IL15RA: variants seen among roughly 807,000 people sequenced by gnomAD.
IL15RA encodes interleukin-15 receptor subunit alpha.
IL15RA carries 26 observed loss-of-function variants against 24.2 expected under a neutral mutation model. The ratio of observed to expected loss-of-function variants is 1.07; its 90% confidence interval spans 0.79 to 1.49. The LOEUF is 1.49. Among genes scored for constraint, IL15RA ranks in the 40% most tolerant of loss-of-function variants. IL15RA has a pLI of 0.00. For missense variants in IL15RA, 354 were observed against 356.4 expected, an observed-to-expected ratio of 0.99 and a Z score of 0.05; for synonymous variants, 166 against 157.6, an observed-to-expected ratio of 1.05 and a Z score of -0.40.
In IL15RA at chr10:5,953,697, A is replaced by G; in HGVS notation, c.693-491T>C. On this transcript the variant is annotated intron_variant, in intron 6 of 6. Transcript: ENST00000379977. This position sits in a 1 kb window ranked among gnomAD's most constrained non-coding sequence, Gnocchi z 5.3. ...GGAGAGAGTGACTGGGAGCCTAGCC[A>G]AACCAGAGTTGATCATCTTGAAAAA... The G allele has an allele frequency of 3.4e-6, 1 of 297,912 alleles. No individual in the cohort carries two copies. The highest frequency in any genetic ancestry group is 6.0e-5 in the East Asian group (1 of 16,536). 18.5% of individuals were successfully genotyped at this position (297,912 alleles called of 1,614,324 possible).
At chr10:5,972,430 G>T (rs76975513) in intron 1 of IL15RA, among the ~76,000 whole-genome samples, 3 of 152,312 alleles carry the variant, frequency 2.0e-5, no homozygotes, top group African/African-American at 7.2e-5. Context: ...CTGGAATGCA[G>T]TGGACAAGTG....
At chr10:5,956,729 G>C (rs1257944160) in intron 5 of IL15RA, among the ~76,000 whole-genome samples, 1 of 152,226 alleles carries the variant, frequency 6.6e-6, no homozygotes, top group Non-Finnish European at 1.5e-5. Context: ...TGACGGGGCA[G>C]GGACGGAGCA....
In IL15RA at chr10:5,955,185, C is replaced by T. The variant is rs537985608; in HGVS notation, c.692+1194G>A. Among the ~76,000 whole-genome samples, 29 of 151,720 alleles carry T rather than the reference C, an allele frequency of 1.9e-4. No homozygotes were observed. The highest frequency in any genetic ancestry group is 8.3e-4 in the South Asian group (4 of 4,792). ...TGTGATCTTGGCTCACTGCAACCTC[C>T]GCCTCCCTGGTTCAAGCAATTCTCC... On this transcript the variant is annotated intron_variant, in intron 6 of 6. Coordinates refer to ENST00000379977, the MANE Select transcript of IL15RA (RefSeq NM_002189.4). This position sits in a 1 kb window ranked among gnomAD's most constrained non-coding sequence, Gnocchi z 5.3.
chr10:5,966,229 C>G lies in IL15RA; in HGVS notation c.199G>C (p.Ala67Pro). The change falls in exon 2 of 7, where the codon GCC (alanine) becomes CCC (proline). Residue 67 changes from alanine (A) to proline (P), a missense_variant. Ala to Pro is a conservative substitution (Grantham distance 27). Transcript: ENST00000379977. This position sits in a 1 kb window ranked among gnomAD's most constrained non-coding sequence, Gnocchi z 6.4. ...YICNSGFKRK[A>P]GTSSLTECVL... ...CACTCCGTCAGGCTGGACGTGCCGG[C>G]TTTACGCTTGAAACCAGAGTTACAA... 4.3e-6 allele frequency: 7 copies of G among 1,614,168 alleles called. No homozygotes were observed. Among genetic ancestry groups the G allele is most frequent in the Non-Finnish European group, 5.9e-6 (7 of 1,179,998 alleles).
At chr10:5,949,374 G>A (rs558789257), downstream of IL15RA, 125 of 470,684 alleles carry the variant, frequency 2.7e-4, no homozygotes, top group South Asian at 1.3e-3. The surrounding 1 kb of genome is among the most constrained non-coding windows in gnomAD (Gnocchi z 4.4). Flanking sequence ...TAAATCCCCC[G>A]GTAATATAGT....
chr10:5,961,417 G>GC lies in IL15RA; in HGVS notation c.383-851_383-850insG, dbSNP rs1564497780. ...AGACCCCTGTCTCTTAAAAAAAAAGGTGGGGGGAAGAAAAGAAAAGGTGTC... is the reference window on the plus strand; with the variant it reads ...AGACCCCTGTCTCTTAAAAAAAAAGGCTGGGGGGAAGAAAAGAAAAGGTGTC... On this transcript the variant is annotated intron_variant, in intron 3 of 6. Coordinates refer to ENST00000379977, the MANE Select transcript of IL15RA (RefSeq NM_002189.4). The surrounding 1 kb of genome is among the most constrained non-coding windows in gnomAD (Gnocchi z 5.2). Among the ~76,000 whole-genome samples, 2 of 148,048 alleles carry GC rather than the reference G, an allele frequency of 1.4e-5. No homozygotes were observed. Among genetic ancestry groups the GC allele is most frequent in the African/African-American group, 4.9e-5 (2 of 41,124 alleles).
chr10:5,961,790 G>A lies in IL15RA; in HGVS notation c.383-1223C>T, dbSNP rs1014995714. ...GTGACAGCCACGGAATCTAGGAAAC[G>A]TGAGGCCAAGCGCTGTGGCTCTCTG... On this transcript the variant is annotated intron_variant, in intron 3 of 6. Coordinates refer to ENST00000379977, the MANE Select transcript of IL15RA (RefSeq NM_002189.4). This position sits in a 1 kb window ranked among gnomAD's most constrained non-coding sequence, Gnocchi z 5.2. 2.1e-4 allele frequency among the ~76,000 whole-genome samples: 32 copies of A among 152,224 alleles called. No individual in the cohort carries two copies. Among genetic ancestry groups the A allele is most frequent in the African/African-American group, 7.0e-4 (29 of 41,452 alleles).
chr10:5,949,372 C>T (rs1589137249), downstream of IL15RA: 1 of 470,752 alleles, frequency 2.1e-6, no homozygotes, highest in South Asian at 1.5e-5. This position sits in a 1 kb window ranked among gnomAD's most constrained non-coding sequence, Gnocchi z 4.4. Context: ...ATTAAATCCC[C>T]CGGTAATATA....
chr10:5,951,052 G>A (rs1833825533), downstream of IL15RA, among the ~76,000 whole-genome samples: 1 of 145,384 alleles, frequency 6.9e-6, no homozygotes, highest in Non-Finnish European at 1.5e-5. Context: ...TGAGGCAGGA[G>A]AATGGCATGG....
rs898540563 is a variant in IL15RA, at chr10:5,964,893, C to A, written c.284-1052G>T. On this transcript the variant is annotated intron_variant, in intron 2 of 6. Coordinates refer to ENST00000379977, the MANE Select transcript of IL15RA (RefSeq NM_002189.4). This position sits in a 1 kb window ranked among gnomAD's most constrained non-coding sequence, Gnocchi z 5.6. ...ATGCCACGGGGTGCTGTGTCCCCAGCGAGTGATTTCTTGGAACAAGTCGGA... is the reference window on the plus strand; with the variant it reads ...ATGCCACGGGGTGCTGTGTCCCCAGAGAGTGATTTCTTGGAACAAGTCGGA... Among the ~76,000 whole-genome samples, 1 of 152,234 alleles carries A rather than the reference C, an allele frequency of 6.6e-6. No individual in the cohort carries two copies. The highest frequency in any genetic ancestry group is 1.5e-5 in the Non-Finnish European group (1 of 68,040).
In IL15RA at chr10:5,961,927, A is replaced by C. The variant is rs1419548078; in HGVS notation, c.383-1360T>G. Among the ~76,000 whole-genome samples the C allele has an allele frequency of 6.6e-6, 1 of 152,198 alleles. No homozygotes were observed. Among genetic ancestry groups the C allele is most frequent in the Non-Finnish European group, 1.5e-5 (1 of 68,038 alleles). ...CTTTCATATAACTTGCCCTACGCTC[A>C]CTGCCAATGCTCCAGGGCTCCCTGC... On this transcript the variant is annotated intron_variant, in intron 3 of 6. Coordinates refer to ENST00000379977, the MANE Select transcript of IL15RA (RefSeq NM_002189.4). This position sits in a 1 kb window ranked among gnomAD's most constrained non-coding sequence, Gnocchi z 5.2.
In IL15RA at chr10:5,971,681, AAAGGCCT is replaced by A. The variant is rs1160159654; in HGVS notation, c.89-5349_89-5343del. ...TGTGGAGCTGGTGTACGGAAAAGGCAAAGGCCTCTGGCCTCACAGTCACCCATCACCT... is the reference window on the plus strand; with the variant it reads ...TGTGGAGCTGGTGTACGGAAAAGGCACTGGCCTCACAGTCACCCATCACCT... On this transcript the variant is annotated intron_variant, in intron 1 of 6. Coordinates refer to ENST00000379977, the MANE Select transcript of IL15RA (RefSeq NM_002189.4). The surrounding 1 kb of genome is among the most constrained non-coding windows in gnomAD (Gnocchi z 5.5). Among the ~76,000 whole-genome samples, 43 of 152,216 alleles carry A rather than the reference AAAGGCCT, an allele frequency of 2.8e-4. No homozygotes were observed. The highest frequency in any genetic ancestry group is 1.0e-3 in the Admixed American group (16 of 15,288).
downstream of IL15RA, among the ~76,000 whole-genome samples, chr10:5,949,705 T>C (rs1430688257): frequency 1.3e-5 from 2 of 152,174 alleles, no homozygotes; most frequent in African/African-American, 4.8e-5. The surrounding 1 kb of genome is among the most constrained non-coding windows in gnomAD (Gnocchi z 4.4). Context: ...CCACAAGATA[T>C]ATTTTAAAAA....
rs1019774650 is a variant in IL15RA, at chr10:5,977,521, C to T, written c.-29G>A. On this transcript the variant is annotated 5_prime_UTR_variant, in exon 1 of 7. Coordinates refer to ENST00000379977, the MANE Select transcript of IL15RA (RefSeq NM_002189.4). ...GGCAGCTCCACAGGACACCGCTGGA[C>T]TCCCCGGGCGAGCGCTGCCCAGGCC... 56 of 1,321,000 alleles carry T rather than the reference C, an allele frequency of 4.2e-5. No individual in the cohort carries two copies. The Admixed American group carries it at 2.0e-3, about 46-fold the overall frequency. The allele number at this position is 1,321,000 out of a possible 1,614,324, so 81.8% of individuals were successfully genotyped here.
chr10:5,951,420 C>A (rs1414890159), downstream of IL15RA, among the ~76,000 whole-genome samples: 1 of 152,228 alleles, frequency 6.6e-6, no homozygotes, highest in East Asian at 1.9e-4. Flanking sequence ...CTCCCAAATG[C>A]TCACAGTGGC....
rs41294177 is a variant in IL15RA, at chr10:5,965,465, G to A, written c.283+680C>T. ...GCAGCCAAATTCTCCTGCCAGCATCGTCTCAAATCAAAGCACTACATGTAA... is the reference window on the plus strand; with the variant it reads ...GCAGCCAAATTCTCCTGCCAGCATCATCTCAAATCAAAGCACTACATGTAA... On this transcript the variant is annotated intron_variant, in intron 2 of 6. Transcript: ENST00000379977. This position sits in a 1 kb window ranked among gnomAD's most constrained non-coding sequence, Gnocchi z 5.8. 2.6e-5 allele frequency among the ~76,000 whole-genome samples: 4 copies of A among 152,194 alleles called. No individual in the cohort carries two copies. Among genetic ancestry groups the A allele is most frequent in the Non-Finnish European group, 4.4e-5 (3 of 68,034 alleles).
chr10:5,961,159 C>T lies in IL15RA; in HGVS notation c.383-592G>A, dbSNP rs182169827. On this transcript the variant is annotated intron_variant, in intron 3 of 6. Transcript: ENST00000379977. The surrounding 1 kb of genome is among the most constrained non-coding windows in gnomAD (Gnocchi z 5.2). ...CAAACTCCTGACCTTAGGTGATCCA[C>T]CCACCTTGGCCTCCCAAAGTGCTGG... Among the ~76,000 whole-genome samples the T allele has an allele frequency of 2.4e-3, 369 of 152,262 alleles. 3 individuals carry two copies. Among genetic ancestry groups the T allele is most frequent in the Non-Finnish European group, 3.4e-3 (233 of 68,018 alleles).
chr10:5,967,584 C>T lies in IL15RA; in HGVS notation c.89-1245G>A, dbSNP rs144745179. ...TTTTCCCAAAGGCTGCTGTTGCTTT[C>T]AGCTCTGGTTGGTCATTCATACATT... On this transcript the variant is annotated intron_variant, in intron 1 of 6. Transcript: ENST00000379977. The surrounding 1 kb of genome is among the most constrained non-coding windows in gnomAD (Gnocchi z 4.4). Among the ~76,000 whole-genome samples, 311 of 152,356 alleles carry T rather than the reference C, an allele frequency of 2.0e-3. 3 individuals carry two copies. In the East Asian group the frequency reaches 0.04, roughly 20 times the overall value.
In IL15RA at chr10:5,971,201, C is replaced by G. The variant is rs1176326116; in HGVS notation, c.89-4862G>C. On this transcript the variant is annotated intron_variant, in intron 1 of 6. Transcript: ENST00000379977. The surrounding 1 kb of genome is among the most constrained non-coding windows in gnomAD (Gnocchi z 5.5). ...GTATATTTCACAGTTCTGTGGTACT[C>G]TCACTTTCCTACGGCTGGTATACGA... Among the ~76,000 whole-genome samples, 2 of 152,298 alleles carry G rather than the reference C, an allele frequency of 1.3e-5. No individual in the cohort carries two copies. The highest frequency in any genetic ancestry group is 2.1e-4 in the South Asian group (1 of 4,826).
Sources: gnomAD v4.1 joint callset for allele counts (sites outside exome capture counted in the v4.1 genomes callset) on GRCh38, gnomAD v4.1.1 for gene constraint, Gnocchi (gnomAD v3.1) non-coding constraint, MANE v1.5 for transcripts, NCBI Gene and HGNC (gene_info 2026-07-23, HGNC 2026-07-21) for gene names.